Variants in BICC1 observed in about 807,000 individuals in gnomAD.
The protein encoded by BICC1 is BicC family RNA binding protein 1.
In BICC1, 43 loss-of-function variants were observed where a neutral mutation model predicts 111.0. The ratio of observed to expected loss-of-function variants is 0.39; its 90% CI spans 0.30 to 0.50. The LOEUF (loss-of-function observed/expected upper bound fraction) is 0.50. Ranked by LOEUF, BICC1 falls within the 20% of genes least tolerant of loss-of-function variation. The probability of loss-of-function intolerance (pLI) is 0.88; values close to 1 mark genes in which losing one functional copy is unlikely to be tolerated. For missense variants in BICC1, 1,091 were observed against 1,203.2 expected (o/e 0.91, Z 1.38); for synonymous variants, 467 against 434.4 (o/e 1.07, Z -0.93).
chr10:58,708,772 G>A lies in BICC1; in HGVS notation c.307+6629G>A, dbSNP rs529333849. Among the ~76,000 whole-genome samples the A allele has an allele frequency of 2.0e-5, 3 of 152,220 alleles. No homozygotes were observed. The East Asian group carries it at 5.8e-4, about 29-fold the overall frequency. On this transcript the variant is annotated intron_variant, in intron 3 of 20. Coordinates refer to ENST00000373886, the MANE Select transcript of BICC1 (RefSeq NM_001080512.3). ...AAGGAAAGGGGAAGATGGAGCTGCC[G>A]TGTTGGACCTACCTAGCCCCCAGGT...
intron 16 of BICC1, 80 bp from the exon 17 acceptor site, chr10:58,806,924 A>G: frequency 7.6e-7 from 1 of 1,314,532 alleles, no homozygotes; most frequent in Non-Finnish European, 1.0e-6. Context: ...CATATATCAA[A>G]GAAACGACAC....
intron 1 of BICC1, among the ~76,000 whole-genome samples, chr10:58,607,219 G>A (rs1270031066): frequency 1.3e-5 from 2 of 151,302 alleles, no homozygotes; most frequent in Non-Finnish European, 2.9e-5. Flanking sequence ...GGGAGGCTGA[G>A]GCAGGACAAT....
At chr10:58,696,624 A>G (rs533351913) in intron 2 of BICC1, among the ~76,000 whole-genome samples, 3 of 152,220 alleles carry the variant, frequency 2.0e-5, no homozygotes, top group Admixed American at 6.5e-5. Context: ...GATTGCTAGT[A>G]TAAGAGAGCA....
chr10:58,618,693 G>C (rs550836133), intron 1 of BICC1, among the ~76,000 whole-genome samples: 73 of 152,280 alleles, frequency 4.8e-4, no homozygotes, highest in African/African-American at 1.7e-3. Context: ...TTGATGATGT[G>C]GAATTTGTGC....
chr10:58,804,005 C>T (rs546632233), intron 15 of BICC1, among the ~76,000 whole-genome samples: 2 of 152,240 alleles, frequency 1.3e-5, no homozygotes, highest in East Asian at 1.9e-4. Context: ...AGAGGAAGAA[C>T]GTTCCACAAA....
chr10:58,550,815 A>G (rs942940205), intron 1 of BICC1, among the ~76,000 whole-genome samples: 25 of 152,052 alleles, frequency 1.6e-4, no homozygotes, highest in African/African-American at 5.6e-4. Flanking sequence ...CTTTCTGCCA[A>G]TTCTACAGTT....
intron 1 of BICC1, among the ~76,000 whole-genome samples, chr10:58,617,363 C>T (rs1845652185): frequency 6.6e-6 from 1 of 152,244 alleles, no homozygotes; most frequent in Non-Finnish European, 1.5e-5. Flanking sequence ...AGTCCCTTAG[C>T]AGCAGAGTAC....
chr10:58,805,310 C>CAA (rs142081261), intron 15 of BICC1, among the ~76,000 whole-genome samples: 1 of 149,624 alleles, frequency 6.7e-6, no homozygotes, highest in African/African-American at 2.5e-5. Flanking sequence ...AACAAACAAA[C>CAA]AAACAAAAAA....
At chr10:58,702,404 C>T (rs899359378) in intron 3 of BICC1, among the ~76,000 whole-genome samples, 8 of 152,068 alleles carry the variant, frequency 5.3e-5, no homozygotes, top group Admixed American at 4.6e-4. Context: ...GATGCTTATT[C>T]GATTGATATC....
At chr10:58,558,354 G>A (rs1649057) in intron 1 of BICC1, among the ~76,000 whole-genome samples, 69,798 of 151,736 alleles carry the variant, frequency 0.46, 17,105 homozygotes, top group Admixed American at 0.62. Context: ...GGTCTCTTTG[G>A]TTTCCAGGCC....
chr10:58,543,702 CT>C (rs1396914521), intron 1 of BICC1, among the ~76,000 whole-genome samples: 1 of 151,680 alleles, frequency 6.6e-6, no homozygotes, highest in African/African-American at 2.4e-5. Flanking sequence ...TAGAGACAGT[CT>C]TGCCATGTTG....
At chr10:58,701,999 T>C in intron 2 of BICC1, 75 bp from the exon 3 acceptor site, 3 of 1,150,348 alleles carry the variant, frequency 2.6e-6, no homozygotes, top group Non-Finnish European at 3.8e-6. Context: ...AAATAAACTT[T>C]TTTGTGTGTG....
At chr10:58,559,690 A>T (rs1843550578) in intron 1 of BICC1, among the ~76,000 whole-genome samples, 1 of 151,926 alleles carries the variant, frequency 6.6e-6, no homozygotes, top group Admixed American at 6.6e-5. Flanking sequence ...AGCCTTTCAC[A>T]TTTCCCTTGT....
intron 1 of BICC1, among the ~76,000 whole-genome samples, chr10:58,586,729 A>G (rs1844443592): frequency 1.3e-5 from 2 of 152,148 alleles, no homozygotes; most frequent in Non-Finnish European, 2.9e-5. Context: ...ATACATATAC[A>G]TGCAAATGAA....
At chr10:58,628,826 G>C (rs537051236) in intron 2 of BICC1, among the ~76,000 whole-genome samples, 3 of 152,300 alleles carry the variant, frequency 2.0e-5, no homozygotes, top group East Asian at 1.9e-4. Context: ...AAGAGAAAAG[G>C]TTGGCTCCAA....
At chr10:58,731,851 C>T (rs1480716146) in intron 3 of BICC1, among the ~76,000 whole-genome samples, 1 of 152,150 alleles carries the variant, frequency 6.6e-6, no homozygotes, top group Non-Finnish European at 1.5e-5. Flanking sequence ...GAAGGATCCA[C>T]CTGAATGATC....
chr10:58,718,765 TGC>T (rs139589306), intron 3 of BICC1, among the ~76,000 whole-genome samples: 3,133 of 148,012 alleles, frequency 0.021, 40 homozygotes, highest in Non-Finnish European at 0.026. Context: ...TGTGTGTGTG[TGC>T]GCGCGCGCGT....
chr10:58,812,801 G>T (rs2132935545), intron 17 of BICC1, among the ~76,000 whole-genome samples: 1 of 152,168 alleles, frequency 6.6e-6, no homozygotes, highest in South Asian at 2.1e-4. Flanking sequence ...TTTCAACAGA[G>T]AAATCAAATC....
At chr10:58,590,393 T>C (rs557899211) in intron 1 of BICC1, among the ~76,000 whole-genome samples, 45 of 152,258 alleles carry the variant, frequency 3.0e-4, no homozygotes, top group Non-Finnish European at 6.0e-4. Flanking sequence ...ATCCTAGAGT[T>C]CTCTATGAAA....
Sources: allele counts gnomAD v4.1 joint callset (sites outside exome capture counted in the v4.1 genomes callset), GRCh38; gene constraint gnomAD v4.1.1; transcripts MANE v1.5; gene names NCBI Gene and HGNC (gene_info 2026-07-23, HGNC 2026-07-21).